Variants in MYO3A observed in about 807,000 individuals in gnomAD.
MYO3A encodes the protein myosin IIIA.
MYO3A carries 180 observed loss-of-function variants against 192.7 expected under a neutral mutation model. The observed-to-expected ratio is 0.93, with a 90% confidence interval of 0.83 to 1.06. The LOEUF (loss-of-function observed/expected upper bound fraction) is 1.06. MYO3A is among the 50% of genes least tolerant of loss of function. The pLI, the probability that MYO3A is intolerant of heterozygous loss-of-function variation, is 0.00. For synonymous variants in MYO3A, 628 were observed against 645.3 expected, an observed-to-expected ratio of 0.97 and a Z score of 0.41; for missense variants, 1,896 against 1,905.0, an observed-to-expected ratio of 1.00 and a Z score of 0.09.
chr10:25,986,549 CTATA>C (rs1437844673), intron 4 of MYO3A, among the ~76,000 whole-genome samples: 1 of 152,148 alleles, frequency 6.6e-6, no homozygotes, highest in Non-Finnish European at 1.5e-5. Context: ...AGTGGCTCTG[CTATA>C]TGCCAACAGC....
intron 26 of MYO3A, among the ~76,000 whole-genome samples, chr10:26,158,808 A>G (rs904065890): frequency 1.3e-5 from 2 of 152,158 alleles, no homozygotes; most frequent in South Asian, 4.1e-4. Flanking sequence ...AGGAAGTCCC[A>G]TTTATAATAT....
At chr10:26,199,396 T>G (rs1469318762) in intron 32 of MYO3A, among the ~76,000 whole-genome samples, 2 of 151,694 alleles carry the variant, frequency 1.3e-5, no homozygotes, top group East Asian at 3.9e-4. Context: ...CCACAAAAAC[T>G]ACAAAAATTA....
At chr10:26,167,138 T>C (rs1297349007) in intron 27 of MYO3A, among the ~76,000 whole-genome samples, 1 of 152,142 alleles carries the variant, frequency 6.6e-6, no homozygotes, top group Non-Finnish European at 1.5e-5. Context: ...GATTGACCAC[T>C]CAAGAATACC....
chr10:26,207,912 A>G (rs1179262298), intron 34 of MYO3A, among the ~76,000 whole-genome samples: 1 of 152,212 alleles, frequency 6.6e-6, no homozygotes, highest in East Asian at 1.9e-4. Flanking sequence ...TGAACACGGA[A>G]TATCTTTCCA....
intron 32 of MYO3A, among the ~76,000 whole-genome samples, chr10:26,195,103 C>T (rs1336530683): frequency 2.0e-5 from 3 of 152,136 alleles, no homozygotes; most frequent in African/African-American, 7.2e-5. Context: ...ACCCCCTGCC[C>T]CAAGCTCTAG....
chr10:26,170,654 A>G, intron 29 of MYO3A, 115 bp downstream of exon 29: 3 of 1,122,242 alleles, frequency 2.7e-6, no homozygotes, highest in South Asian at 2.9e-5. Context: ...ATACTGACAC[A>G]TCAAATGTCA....
At chr10:26,200,176 C>G (rs1468429380) in intron 32 of MYO3A, among the ~76,000 whole-genome samples, 1 of 152,174 alleles carries the variant, frequency 6.6e-6, no homozygotes, top group Non-Finnish European at 1.5e-5. Flanking sequence ...CCACCTCATC[C>G]ACCCGTTAAA....
intron 15 of MYO3A, among the ~76,000 whole-genome samples, chr10:26,091,975 G>A (rs969566512): frequency 1.3e-5 from 2 of 152,186 alleles, no homozygotes; most frequent in East Asian, 1.9e-4. Context: ...GATATAAAAC[G>A]TGCTGATCAC....
chr10:26,150,553 T>C (rs1399533071), intron 23 of MYO3A, among the ~76,000 whole-genome samples: 1 of 152,190 alleles, frequency 6.6e-6, no homozygotes, highest in East Asian at 1.9e-4. Context: ...CTTTAGTAGA[T>C]TGTGTTTTTT....
At position 26,174,048 on chromosome 10, in the gene MYO3A, G is replaced by A. The variant is rs1255601101; in HGVS notation, c.3784G>A (p.Ala1262Thr). 1 of 1,613,790 alleles carries A rather than the reference G, an allele frequency of 6.2e-7. No homozygotes were observed. Among genetic ancestry groups the A allele is most frequent in the Non-Finnish European group, 8.5e-7 (1 of 1,180,010 alleles). The stretch of plus-strand genomic sequence containing the variant: ...AAAAGCAGCATATCTAGAAAGGAAG[G>A]CCATATCAGAAAGGCCAAGCTACCC... ...ESKAAYLERK[A>T]ISERPSYPVP... The change falls in exon 30 of 35, where the codon GCC becomes ACC. Residue 1262 changes from alanine to threonine, a missense_variant. By Grantham distance (58) the Ala-to-Thr change is moderately conservative (BLOSUM62 0). Transcript: ENST00000642920.
At chr10:26,210,981 T>TGC (rs1429649391) in intron 34 of MYO3A, among the ~76,000 whole-genome samples, 1 of 129,536 alleles carries the variant, frequency 7.7e-6, no homozygotes, top group East Asian at 2.2e-4. Context: ...TGTACACACA[T>TGC]GCACACACAC....
At chr10:26,129,776 T>A (rs1839427248) in intron 20 of MYO3A, among the ~76,000 whole-genome samples, 1 of 152,236 alleles carries the variant, frequency 6.6e-6, no homozygotes, top group Non-Finnish European at 1.5e-5. Flanking sequence ...ATTCTTTTTG[T>A]CTTTTTAGAG....
At chr10:25,945,514 T>C (rs1215630166) in intron 2 of MYO3A, among the ~76,000 whole-genome samples, 1 of 152,048 alleles carries the variant, frequency 6.6e-6, no homozygotes, top group Non-Finnish European at 1.5e-5. Flanking sequence ...TGTCAGTGTT[T>C]GTTCATATAT....
chr10:26,202,986 G>T lies in MYO3A; in HGVS notation c.4609G>T (p.Glu1537Ter). 6.2e-7 allele frequency: 1 copy of T among 1,613,670 alleles called. No individual in the cohort carries two copies. ...KDSQGKLLDL[E>*]DFYYKEFLPS... is the part of the protein sequence containing the mutation. Reference sequence around the variant, plus strand: ...CAGTCAGGGAAAATTATTAGATTTGGAAGATTTCTATTATAAGGAATTTTT... The same window carrying T: ...CAGTCAGGGAAAATTATTAGATTTGTAAGATTTCTATTATAAGGAATTTTT... Residue 1537 changes from glutamate (E) to a stop codon, truncating the protein, a stop_gained, in exon 34 of 35, where the codon GAA becomes TAA. Transcript: ENST00000642920. LOFTEE classifies it high-confidence loss of function.
intron 31 of MYO3A, among the ~76,000 whole-genome samples, chr10:26,183,203 T>C (rs1842694823): frequency 6.6e-6 from 1 of 152,196 alleles, no homozygotes; most frequent in South Asian, 2.1e-4. Context: ...GCAGGAACCT[T>C]ACCTGAACCT....
At chr10:26,144,384 C>T (rs757190272) in intron 21 of MYO3A, among the ~76,000 whole-genome samples, 4 of 151,738 alleles carry the variant, frequency 2.6e-5, no homozygotes, top group Non-Finnish European at 4.4e-5. Flanking sequence ...CTCTTTCTTA[C>T]CATTAGGTCT....
rs149803315 is a variant in MYO3A, at chr10:26,154,804, C to T, written c.2774C>T (p.Thr925Met). Residue 925 changes from threonine to methionine, a missense_variant, in exon 25 of 35, where the codon ACG becomes ATG. Thr to Met is a moderately conservative substitution (Grantham distance 81). Coordinates refer to ENST00000642920, the MANE Select transcript of MYO3A (RefSeq NM_017433.5). ...GAGACAACCAACATGAAAACACAAACGGTTGCATCATATTTTAGAGTAAGA... is the reference window on the plus strand; with the variant it reads ...GAGACAACCAACATGAAAACACAAATGGTTGCATCATATTTTAGAGTAAGA... The part of the protein sequence containing the change: ...ARETTNMKTQ[T>M]VASYFRYSLM... 152 of 1,613,130 alleles carry T rather than the reference C, an allele frequency of 9.4e-5. No homozygotes were observed. Among genetic ancestry groups the T allele is most frequent in the Admixed American group, 1.5e-4 (9 of 59,950 alleles).
chr10:26,004,500 A>C (rs541244208), intron 6 of MYO3A, among the ~76,000 whole-genome samples: 1 of 151,970 alleles, frequency 6.6e-6, no homozygotes, highest in Non-Finnish European at 1.5e-5. Flanking sequence ...GTGTGTGTAC[A>C]TATTACCTAG....
At chr10:26,053,857 A>G (rs72795840) in intron 10 of MYO3A, among the ~76,000 whole-genome samples, 24,573 of 151,928 alleles carry the variant, frequency 0.16, 2,281 homozygotes, top group Non-Finnish European at 0.21. Context: ...GAAAAATAGA[A>G]CAATATAAGA....
Sources: allele counts gnomAD v4.1 joint callset (sites outside exome capture counted in the v4.1 genomes callset), GRCh38; gene constraint gnomAD v4.1.1; transcripts MANE v1.5; gene names NCBI Gene and HGNC (gene_info 2026-07-23, HGNC 2026-07-21).